XKR3: variants seen among roughly 807,000 people sequenced by gnomAD.
XKR3 encodes the protein XK-related protein 3.
Under a neutral mutation model 40.3 loss-of-function variants are expected in XKR3, and 27 were observed. The observed-to-expected ratio is 0.67, with a 90% CI of 0.49 to 0.92. The LOEUF (loss-of-function observed/expected upper bound fraction) is 0.92, where lower values mean the gene tolerates loss of function less well. XKR3 is among the 40% of genes least tolerant of loss of function. XKR3 has a pLI of 0.00. For synonymous variants in XKR3, 193 were observed against 195.4 expected, an observed-to-expected ratio of 0.99 and a Z score of 0.10; for missense variants, 472 against 537.6, an observed-to-expected ratio of 0.88 and a Z score of 1.21.
At chr22:16,789,652 T>C (rs1320137317) in intron 3 of XKR3, among the ~76,000 whole-genome samples, 2 of 152,100 alleles carry the variant, frequency 1.3e-5, no homozygotes, top group Non-Finnish European at 2.9e-5. Flanking sequence ...ATGGCATTTT[T>C]CACAGAAATA....
intron 3 of XKR3, among the ~76,000 whole-genome samples, chr22:16,796,185 T>C (rs1322270564): frequency 1.2e-4 from 18 of 152,158 alleles, no homozygotes; most frequent in African/African-American, 4.1e-4. Context: ...CCAATATCTA[T>C]GCCTTAAATT....
At chr22:16,801,087 T>C (rs2060166943) in intron 2 of XKR3, among the ~76,000 whole-genome samples, 1 of 151,794 alleles carries the variant, frequency 6.6e-6, no homozygotes, top group African/African-American at 2.4e-5. Context: ...AAGAAAAGAG[T>C]GACAAAGCCT....
chr22:16,784,553 T>C, intron 3 of XKR3, 144 bp from the exon 4 acceptor site: 1 of 839,266 alleles, frequency 1.2e-6, no homozygotes, highest in Middle Eastern at 3.7e-4. Flanking sequence ...AAAGGTTTGT[T>C]AATCTTCCAT....
chr22:16,787,556 T>A, intron 3 of XKR3, among the ~76,000 whole-genome samples: 1 of 79,742 alleles, frequency 1.3e-5, no homozygotes, highest in African/African-American at 4.2e-5. Context: ...CAAAACTCCG[T>A]CTCAAATTAA....
intron 1 of XKR3, among the ~76,000 whole-genome samples, chr22:16,819,558 G>A (rs1205751187): frequency 2.0e-5 from 3 of 152,020 alleles, no homozygotes; most frequent in African/African-American, 7.2e-5. Flanking sequence ...GACATCCATA[G>A]GTTAAGGAAA....
At position 16,786,256 on chromosome 22, in the gene XKR3, G is replaced by GCACA. The variant is rs750668264; in HGVS notation, c.590-1851_590-1848dup. ...GAAAACCTGTATCTACAAAACGCGTGCACACACACACACACACAAATACAC... is the reference window on the plus strand; with the variant it reads ...GAAAACCTGTATCTACAAAACGCGTGCACACACACACACACACACACAAATACAC... On this transcript the variant is annotated intron_variant, in intron 3 of 3. Coordinates refer to ENST00000684488, the MANE Select transcript of XKR3 (RefSeq NM_001386955.1). Among the ~76,000 whole-genome samples the GCACA allele has an allele frequency of 9.4e-4, 140 of 148,702 alleles. 1 individual carries two copies. The highest frequency in any genetic ancestry group is 3.0e-3 in the African/African-American group (121 of 40,198).
intron 3 of XKR3, among the ~76,000 whole-genome samples, chr22:16,791,787 GA>G (rs2060118849): frequency 1.5e-4 from 6 of 39,264 alleles, no homozygotes; most frequent in Non-Finnish European, 2.7e-4. Context: ...GGGAGAGAGA[GA>G]GAGAGAGAGA....
At chr22:16,814,372 T>C (rs971706991) in intron 1 of XKR3, among the ~76,000 whole-genome samples, 203 of 152,296 alleles carry the variant, frequency 1.3e-3, no homozygotes, top group African/African-American at 4.7e-3. Context: ...TTCTATTTCA[T>C]TGGTGTATTG....
intron 1 of XKR3, among the ~76,000 whole-genome samples, chr22:16,811,123 T>C (rs2060210655): frequency 6.6e-6 from 1 of 150,956 alleles, no homozygotes; most frequent in Non-Finnish European, 1.5e-5. Flanking sequence ...TTTCTTCTTT[T>C]TTTTTTTTTT....
chr22:16,800,096 T>C (rs1464463315), intron 2 of XKR3, 72 bp from the exon 3 acceptor site: 11 of 1,533,604 alleles, frequency 7.2e-6, no homozygotes, highest in Non-Finnish European at 9.7e-6. Flanking sequence ...TGAAAGTTTA[T>C]CAGGAGAGGA....
intron 3 of XKR3, among the ~76,000 whole-genome samples, chr22:16,791,243 G>A (rs1229942205): frequency 3.3e-5 from 5 of 151,914 alleles, no homozygotes; most frequent in Admixed American, 1.3e-4. Flanking sequence ...ATTCTCATCT[G>A]CAGCAACAGG....
At chr22:16,800,316 A>G (rs1226724165) in intron 2 of XKR3, among the ~76,000 whole-genome samples, 3 of 152,210 alleles carry the variant, frequency 2.0e-5, no homozygotes, top group Non-Finnish European at 4.4e-5. Flanking sequence ...ACACAATTCA[A>G]TTCACTTTCT....
At chr22:16,789,064 C>T (rs1293593382) in intron 3 of XKR3, among the ~76,000 whole-genome samples, 1 of 152,142 alleles carries the variant, frequency 6.6e-6, no homozygotes, top group East Asian at 1.9e-4. Flanking sequence ...TAACATCACA[C>T]TCAGTGGGAG....
chr22:16,799,933 T>C lies in XKR3; in HGVS notation c.427A>G (p.Thr143Ala). Residue 143 changes from threonine to alanine, a missense_variant, in exon 3 of 4, where the codon ACG becomes GCG. Physicochemically the swap from Thr to Ala is moderately conservative, Grantham distance 58. Coordinates refer to ENST00000684488, the MANE Select transcript of XKR3 (RefSeq NM_001386955.1). ...AATGCAATCTCCCTTTCCAGCATCGTGTTTCTCTTTGTGATGCTAACTTGA... is the reference window on the plus strand; with the variant it reads ...AATGCAATCTCCCTTTCCAGCATCGCGTTTCTCTTTGTGATGCTAACTTGA... ...ETQVSITKRNTMLEREIAFSI... is the reference protein window; with the variant it reads ...ETQVSITKRNAMLEREIAFSI... 6.2e-7 allele frequency: 1 copy of C among 1,614,156 alleles called. No individual in the cohort carries two copies. The highest frequency in any genetic ancestry group is 8.5e-7 in the Non-Finnish European group (1 of 1,180,006).
chr22:16,824,112 C>T (rs908343019), intron 1 of XKR3, among the ~76,000 whole-genome samples: 3 of 152,088 alleles, frequency 2.0e-5, no homozygotes, highest in African/African-American at 7.2e-5. Context: ...TGAGAAAAAT[C>T]GCATCTGACC....
rs1302602355 is a variant in XKR3 at position 16,789,544 on chromosome 22, A to G, written c.590-5135T>C. ...TAAAATAACATAAATCAATGGAAAG[A>G]TATCTATGCTAATTGATTGGAAAAA... On this transcript the variant is annotated intron_variant, in intron 3 of 3. Transcript: ENST00000684488. Among the ~76,000 whole-genome samples, 4 of 152,340 alleles carry G rather than the reference A, an allele frequency of 2.6e-5. No individual in the cohort carries two copies. In the East Asian group the frequency reaches 7.7e-4, roughly 29 times the overall value.
At position 16,784,348 on chromosome 22, in the gene XKR3, C is replaced by A; in HGVS notation, c.651G>T (p.Leu217=). 6.2e-7 allele frequency: 1 copy of A among 1,613,446 alleles called. No individual in the cohort carries two copies. Among genetic ancestry groups the A allele is most frequent in the Non-Finnish European group, 8.5e-7 (1 of 1,179,818 alleles). ...VTYGAIRCNI[L]AIQISNDDTT... ...TATCATCATTGCTGATCTGGATGGCCAGTATATTGCAGCGAATGGCCCCAT... is the reference window on the plus strand; with the variant it reads ...TATCATCATTGCTGATCTGGATGGCAAGTATATTGCAGCGAATGGCCCCAT... The change falls in exon 4 of 4, where the codon CTG becomes CTT. Residue 217 remains leucine (L), a synonymous_variant. Transcript: ENST00000684488.
intron 3 of XKR3, among the ~76,000 whole-genome samples, chr22:16,791,671 C>G (rs1306278933): frequency 7.3e-6 from 1 of 136,482 alleles, no homozygotes; most frequent in Admixed American, 8.0e-5. Context: ...TGTAACCTGT[C>G]GATGTAAAAA....
At chr22:16,807,422 G>A (rs2060193904) in intron 2 of XKR3, among the ~76,000 whole-genome samples, 1 of 152,118 alleles carries the variant, frequency 6.6e-6, no homozygotes, top group African/African-American at 2.4e-5. Flanking sequence ...TAAGGTTATA[G>A]TTCTAGGCCT....
Sources: allele counts gnomAD v4.1 joint callset (sites outside exome capture counted in the v4.1 genomes callset), GRCh38; gene constraint gnomAD v4.1.1; transcripts MANE v1.5; gene names NCBI Gene and HGNC (gene_info 2026-07-23, HGNC 2026-07-21).